The following DCBLD2 variants were observed in gnomAD, a reference collection of about 807,000 sequenced individuals.
DCBLD2 encodes the protein discoidin, CUB and LCCL domain containing 2, also known as discoidin, CUB and LCCL domain-containing protein 2.
Under a neutral mutation model 86.8 loss-of-function variants are expected in DCBLD2, and 54 were observed. That is an observed-to-expected ratio of 0.62 (90% CI 0.50 to 0.78). The LOEUF (loss-of-function observed/expected upper bound fraction) is 0.78. Among genes scored for constraint, DCBLD2 ranks in the 30% least tolerant of loss-of-function variants. The pLI, the probability that DCBLD2 is intolerant of heterozygous loss-of-function variation, is 0.00. For synonymous variants in DCBLD2, 354 were observed against 341.3 expected, an observed-to-expected ratio of 1.04 and a Z score of -0.41; for missense variants, 908 against 954.2, an observed-to-expected ratio of 0.95 and a Z score of 0.64.
At chr3:98,864,271 T>C (rs1576189716) in intron 2 of DCBLD2, among the ~76,000 whole-genome samples, 1 of 152,334 alleles carries the variant, frequency 6.6e-6, no homozygotes, top group Non-Finnish European at 1.5e-5. Context: ...GTAAACTTGT[T>C]AAACCATTGT....
chr3:98,861,355 T>A (rs1943040371), intron 2 of DCBLD2, among the ~76,000 whole-genome samples: 1 of 152,188 alleles, frequency 6.6e-6, no homozygotes, highest in South Asian at 2.1e-4. Context: ...GGAATTGAAC[T>A]TAGCTCTGCA....
intron 1 of DCBLD2, among the ~76,000 whole-genome samples, chr3:98,888,490 G>C (rs1943598205): frequency 6.6e-6 from 1 of 151,950 alleles, no homozygotes; most frequent in African/African-American, 2.4e-5. Context: ...TCACAGTTTT[G>C]CCAGGGGTAA....
At chr3:98,844,343 TTTATTATTA>T (rs10530611) in intron 3 of DCBLD2, among the ~76,000 whole-genome samples, 5 of 145,894 alleles carry the variant, frequency 3.4e-5, no homozygotes, top group African/African-American at 5.0e-5. Flanking sequence ...GTCAGTAGCA[TTTATTATTA>T]TTATTATTAT....
intron 9 of DCBLD2, chr3:98,814,141 G>A (rs928486815): frequency 2.0e-5 from 3 of 151,830 alleles, no homozygotes; most frequent in Admixed American, 2.0e-4. Flanking sequence ...TTTCTTCTTG[G>A]CTAATTCACT....
intron 1 of DCBLD2, among the ~76,000 whole-genome samples, chr3:98,885,013 T>TG (rs1463612921): frequency 6.6e-6 from 1 of 152,112 alleles, no homozygotes; most frequent in African/African-American, 2.4e-5. Flanking sequence ...CTTTCCAACA[T>TG]GAAGGATAAT....
At chr3:98,839,007 G>A (rs1022273893) in intron 3 of DCBLD2, among the ~76,000 whole-genome samples, 2 of 137,746 alleles carry the variant, frequency 1.5e-5, no homozygotes, top group East Asian at 2.0e-4. Flanking sequence ...CTTCGGCTCC[G>A]CATGAGAGGG....
At chr3:98,853,049 C>T (rs1942869194) in intron 2 of DCBLD2, among the ~76,000 whole-genome samples, 1 of 152,140 alleles carries the variant, frequency 6.6e-6, no homozygotes, top group Admixed American at 6.5e-5. Flanking sequence ...AAGTTGTAGG[C>T]TTGTGATAAT....
At chr3:98,861,208 A>C (rs374386325) in intron 2 of DCBLD2, among the ~76,000 whole-genome samples, 4 of 152,288 alleles carry the variant, frequency 2.6e-5, no homozygotes, top group Non-Finnish European at 4.4e-5. Context: ...AATACAGGAG[A>C]ACCCAGATTC....
chr3:98,822,711 A>G lies in DCBLD2; in HGVS notation c.654T>C (p.Pro218=). 6.3e-7 allele frequency: 1 copy of G among 1,598,686 alleles called. No homozygotes were observed. The highest frequency in any genetic ancestry group is 8.5e-7 in the Non-Finnish European group (1 of 1,172,040). ...GAATTGTTCCAGATATCTCAGCAAA[A>G]GGAAGCAGACAACCAGCTGGGCAGT... is the stretch of plus-strand genomic sequence containing the variant. ...SKYCPAGCLL[P]FAEISGTIPH... The change falls in exon 5 of 16, where the codon CCT becomes CCC. Residue 218 remains proline, a synonymous_variant. Transcript: ENST00000326840.
intron 2 of DCBLD2, among the ~76,000 whole-genome samples, chr3:98,869,727 A>T (rs565057989): frequency 6.6e-5 from 10 of 152,260 alleles, no homozygotes; most frequent in Non-Finnish European, 1.5e-4. Flanking sequence ...TCTAAACAGA[A>T]CTAACATTAG....
At chr3:98,891,607 C>T (rs932400734) in intron 1 of DCBLD2, among the ~76,000 whole-genome samples, 1 of 152,062 alleles carries the variant, frequency 6.6e-6, no homozygotes, top group Admixed American at 6.6e-5. Context: ...CAACGAAGTT[C>T]AAATGCTTCA....
chr3:98,804,759 G>T (rs1242280776), intron 13 of DCBLD2, among the ~76,000 whole-genome samples: 1 of 152,130 alleles, frequency 6.6e-6, no homozygotes, highest in Non-Finnish European at 1.5e-5. Flanking sequence ...GCTCTCATTG[G>T]TTTCAAAGAA....
intron 1 of DCBLD2, among the ~76,000 whole-genome samples, chr3:98,897,797 T>C (rs1222122673): frequency 1.3e-5 from 2 of 152,096 alleles, no homozygotes; most frequent in African/African-American, 4.8e-5. Context: ...AATTCCCTGA[T>C]ATTTTACCAT....
chr3:98,877,033 AG>A (rs1328896603), intron 2 of DCBLD2, among the ~76,000 whole-genome samples: 1 of 152,198 alleles, frequency 6.6e-6, no homozygotes, highest in African/African-American at 2.4e-5. Context: ...GGTTAGCTAC[AG>A]GGAGTGAGTG....
At chr3:98,870,782 A>AAAG (rs1309717688) in intron 2 of DCBLD2, among the ~76,000 whole-genome samples, 24 of 150,794 alleles carry the variant, frequency 1.6e-4, no homozygotes, top group Non-Finnish European at 7.4e-5. Flanking sequence ...AGAAAGAAAG[A>AAAG]AAGAAAGAAA....
intron 2 of DCBLD2, among the ~76,000 whole-genome samples, chr3:98,872,901 C>A (rs1258796704): frequency 1.3e-5 from 2 of 152,022 alleles, no homozygotes; most frequent in Non-Finnish European, 2.9e-5. Context: ...ATGGATTTAA[C>A]TTAGACATTA....
Position 98,796,887 on chromosome 3 carries a change from A to G in DCBLD2, c.*2485T>C, listed in dbSNP as rs929339394. 1 of 152,602 alleles carries G rather than the reference A, an allele frequency of 6.6e-6. No individual in the cohort carries two copies. The allele number at this position is 152,602 out of a possible 1,614,324, so 9.5% of individuals were successfully genotyped here. A position where few individuals can be genotyped will look rare whatever the true frequency, so the allele number is the denominator to read the frequency against. On this transcript the variant is annotated 3_prime_UTR_variant, in exon 16 of 16. Transcript: ENST00000326840. Reference sequence around the variant, plus strand: ...TAATTGCATTAACAGGAAAAAACTTAATCCAATATACCAGTGACTTTGAGT... The same window carrying G: ...TAATTGCATTAACAGGAAAAAACTTGATCCAATATACCAGTGACTTTGAGT...
intron 8 of DCBLD2, among the ~76,000 whole-genome samples, chr3:98,818,991 T>C (rs9823430): frequency 0.36 from 54,304 of 151,988 alleles, 9,817 homozygotes; most frequent in Non-Finnish European, 0.38. Flanking sequence ...AGTTGTGTCC[T>C]TTTAGAGAAC....
intron 2 of DCBLD2, among the ~76,000 whole-genome samples, chr3:98,877,418 G>A (rs1255983780): frequency 1.3e-5 from 2 of 152,114 alleles, no homozygotes; most frequent in Non-Finnish European, 2.9e-5. Context: ...TTATAGCACT[G>A]AACAAGTAAA....
Sources: allele counts gnomAD v4.1 joint callset (sites outside exome capture counted in the v4.1 genomes callset), GRCh38; gene constraint gnomAD v4.1.1; transcripts MANE v1.5; gene names NCBI Gene and HGNC (gene_info 2026-07-23, HGNC 2026-07-21).